GCNT4: variants seen among roughly 807,000 people sequenced by gnomAD.
GCNT4 encodes the protein beta-1,3-galactosyl-O-glycosyl-glycoprotein beta-1,6-N-acetylglucosaminyltransferase 4.
In GCNT4, 17 loss-of-function variants were observed where a neutral mutation model predicts 31.3. The observed-to-expected ratio is 0.54, with a 90% CI of 0.37 to 0.81. The LOEUF (loss-of-function observed/expected upper bound fraction) is 0.81. Among genes scored for constraint, GCNT4 ranks in the 40% least tolerant of loss-of-function variants. The pLI is 0.00. For synonymous variants in GCNT4, 158 were observed against 190.6 expected, an observed-to-expected ratio of 0.83 and a Z score of 1.41; for missense variants, 503 against 525.5, an observed-to-expected ratio of 0.96 and a Z score of 0.42.
At chr5:75,043,841 AG>A (rs1743375894) in intron 3 of GCNT4, among the ~76,000 whole-genome samples, 1 of 152,254 alleles carries the variant, frequency 6.6e-6, no homozygotes, top group Non-Finnish European at 1.5e-5. Flanking sequence ...ACCAGATTAA[AG>A]TGGCTACTTA....
intron 3 of GCNT4, among the ~76,000 whole-genome samples, chr5:75,044,680 A>G (rs534818512): frequency 5.6e-4 from 85 of 151,624 alleles, no homozygotes; most frequent in Middle Eastern, 6.8e-3. Flanking sequence ...TGCTGCATGC[A>G]CTCCCGCACC....
Position 75,027,290 on chromosome 5 carries a change from ATT to A in GCNT4, c.*1384_*1385del, listed in dbSNP as rs999775516. 1 of 109,226 alleles carries A rather than the reference ATT, an allele frequency of 9.2e-6. No individual in the cohort carries two copies. The highest frequency in any genetic ancestry group is 5.2e-5 in the African/African-American group (1 of 19,106). The allele number at this position is 109,226 out of a possible 1,614,324, so 6.8% of individuals were successfully genotyped here. On this transcript the variant is annotated 3_prime_UTR_variant, in exon 4 of 4. Transcript: ENST00000652361. Reference sequence around the variant, plus strand: ...ATTCATTATATGTTATATAATATATATTTATATATATATAATTATATGTATAT... The same window carrying A: ...ATTCATTATATGTTATATAATATATATATATATATATAATTATATGTATAT...
Position 75,026,668 on chromosome 5 carries a change from A to C in GCNT4, c.*2008T>G, listed in dbSNP as rs954911947. 2 of 150,338 alleles carry C rather than the reference A, an allele frequency of 1.3e-5. No homozygotes were observed. The highest frequency in any genetic ancestry group is 5.0e-5 in the African/African-American group (2 of 40,194). 9.3% of individuals were successfully genotyped at this position (150,338 alleles called of 1,614,324 possible). A position where few individuals can be genotyped will look rare whatever the true frequency, so the allele number is the denominator to read the frequency against. On this transcript the variant is annotated 3_prime_UTR_variant, in exon 4 of 4. Coordinates refer to ENST00000652361, the MANE Select transcript of GCNT4 (RefSeq NM_001366737.1). ...CTCACAAAAAAAAAAAAAAAAAAAAAAAAACACTTGTGTGGAAGCAAGGAT... is the reference window on the plus strand; with the variant it reads ...CTCACAAAAAAAAAAAAAAAAAAAACAAAACACTTGTGTGGAAGCAAGGAT...
chr5:75,041,097 C>G (rs1410096070), intron 3 of GCNT4, among the ~76,000 whole-genome samples: 1 of 152,252 alleles, frequency 6.6e-6, no homozygotes, highest in Non-Finnish European at 1.5e-5. Context: ...TAAGCTTTTC[C>G]TGTAAGTTCA....
chr5:75,038,715 C>G (rs944779736), intron 3 of GCNT4, among the ~76,000 whole-genome samples: 1 of 152,228 alleles, frequency 6.6e-6, no homozygotes, highest in Non-Finnish European at 1.5e-5. Flanking sequence ...AGTCCTATGC[C>G]TTAGGGCTCT....
chr5:75,028,621 T>A lies in GCNT4; in HGVS notation c.*55A>T. On this transcript the variant is annotated 3_prime_UTR_variant, in exon 4 of 4. Transcript: ENST00000652361. ...GTATTGGGCATAGTATGGTATTCAA[T>A]TCCACACTGACTCCATTTATCAGGC... is the stretch of plus-strand genomic sequence containing the variant. 6.6e-7 allele frequency: 1 copy of A among 1,510,392 alleles called. No individual in the cohort carries two copies. The highest frequency in any genetic ancestry group is 9.0e-7 in the Non-Finnish European group (1 of 1,111,104). 93.6% of individuals were successfully genotyped at this position (1,510,392 alleles called of 1,614,324 possible).
downstream of GCNT4, among the ~76,000 whole-genome samples, chr5:75,024,636 G>T (rs1040320992): frequency 6.6e-6 from 1 of 152,132 alleles, no homozygotes; most frequent in Non-Finnish European, 1.5e-5. Flanking sequence ...GGGTGTCTGC[G>T]TGCTCACAAC....
At chr5:75,024,821 G>A (rs1742922329), downstream of GCNT4, among the ~76,000 whole-genome samples, 1 of 151,658 alleles carries the variant, frequency 6.6e-6, no homozygotes, top group Non-Finnish European at 1.5e-5. Flanking sequence ...CATGGTGGCG[G>A]GCACCTGTAA....
At chr5:75,025,204 G>C (rs1368869275), downstream of GCNT4, 1 of 152,144 alleles carries the variant, frequency 6.6e-6, no homozygotes, top group Non-Finnish European at 1.5e-5. Flanking sequence ...CCTATATTGT[G>C]TATAATACAC....
chr5:75,029,613 T>C lies in GCNT4; in HGVS notation c.425A>G (p.Asp142Gly), dbSNP rs1296399181. 5 of 1,614,032 alleles carry C rather than the reference T, an allele frequency of 3.1e-6. No homozygotes were observed. Among genetic ancestry groups the C allele is most frequent in the Non-Finnish European group, 2.5e-6 (3 of 1,180,030 alleles). The change falls in exon 4 of 4, where the codon GAT becomes GGT. Residue 142 changes from aspartate (D) to glycine (G), a missense_variant. Physicochemically the swap from Asp to Gly is moderately conservative, Grantham distance 94. Transcript: ENST00000652361. Reference sequence around the variant, plus strand: ...GATAAGCCTTTCAACCATAATTGCATCTTTGTGGACAACCAAAGAATAGGC... The same window carrying C: ...GATAAGCCTTTCAACCATAATTGCACCTTTGTGGACAACCAAAGAATAGGC... ...PIAYSLVVHK[D>G]AIMVERLIHA...
Position 75,029,069 on chromosome 5 carries a change from G to C in GCNT4, c.969C>G (p.Asp323Glu), listed in dbSNP as rs369084440. 1.2e-6 allele frequency: 2 copies of C among 1,614,024 alleles called. No individual in the cohort carries two copies. The highest frequency in any genetic ancestry group is 2.2e-5 in the East Asian group (1 of 44,898). The stretch of plus-strand genomic sequence containing the variant: ...ATGTGTCTTTAGACCAGGCAAAAAA[G>C]TCTTGAACGATGGAGTTGTTGAAAA... Reference protein sequence around the residue: ...KYIFNNSIVQDFFAWSKDTYS... With the variant: ...KYIFNNSIVQEFFAWSKDTYS... The change falls in exon 4 of 4, where the codon GAC (aspartate) becomes GAG (glutamate). Residue 323 changes from aspartate (D) to glutamate (E), a missense_variant. Transcript: ENST00000652361.
chr5:75,030,118 T>G, intron 3 of GCNT4, 80 bp from the exon 4 acceptor site: 6 of 1,302,030 alleles, frequency 4.6e-6, no homozygotes, highest in African/African-American at 1.5e-5. Flanking sequence ...ACTGGGCGCC[T>G]ACCACATACT....
chr5:75,050,716 TCACACCCTACACAAAACTCATCTG>T (rs1181577934), intron 2 of GCNT4, among the ~76,000 whole-genome samples: 1 of 134,244 alleles, frequency 7.4e-6, no homozygotes, highest in African/African-American at 2.5e-5. Flanking sequence ...CGCTGCACTC[TCACACCCTACACAAAACTCATCTG>T]CTCTCACACC....
chr5:75,038,510 A>C (rs1336019736), intron 3 of GCNT4, among the ~76,000 whole-genome samples: 5 of 152,188 alleles, frequency 3.3e-5, no homozygotes, highest in African/African-American at 1.2e-4. Flanking sequence ...ATAATTTAGA[A>C]ACGATAGGCT....
At chr5:75,039,489 G>A (rs1235351411) in intron 3 of GCNT4, among the ~76,000 whole-genome samples, 1 of 152,146 alleles carries the variant, frequency 6.6e-6, no homozygotes, top group East Asian at 1.9e-4. Context: ...TCATCTTTCA[G>A]ATTAAGAAAT....
chr5:75,049,912 G>C (rs1207147721), intron 2 of GCNT4, among the ~76,000 whole-genome samples: 1 of 152,224 alleles, frequency 6.6e-6, no homozygotes, highest in African/African-American at 2.4e-5. Context: ...ATGGCATCAT[G>C]ATAATAAAAC....
At chr5:75,035,072 G>T (rs1218613270) in intron 3 of GCNT4, among the ~76,000 whole-genome samples, 1 of 118,490 alleles carries the variant, frequency 8.4e-6, no homozygotes, top group Non-Finnish European at 1.7e-5. Flanking sequence ...CGCATTCAGG[G>T]ACACCCCAGC....
chr5:75,035,967 T>C (rs944063277), intron 3 of GCNT4, among the ~76,000 whole-genome samples: 2 of 152,226 alleles, frequency 1.3e-5, no homozygotes, highest in Non-Finnish European at 2.9e-5. Context: ...ATGCTCTTTA[T>C]TAATTTTATG....
chr5:75,030,090 T>G, intron 3 of GCNT4, 52 bp from the exon 4 acceptor site: 1 of 1,517,026 alleles, frequency 6.6e-7, no homozygotes, highest in Non-Finnish European at 8.9e-7. Flanking sequence ...GAAAATCAGG[T>G]CAGTTTATCC....
Sources: allele counts gnomAD v4.1 joint callset (sites outside exome capture counted in the v4.1 genomes callset), GRCh38; gene constraint gnomAD v4.1.1; transcripts MANE v1.5; gene names NCBI Gene and HGNC (gene_info 2026-07-23, HGNC 2026-07-21).